The following LYRM4 variants were observed in gnomAD, a reference collection of about 807,000 sequenced individuals.
LYRM4 encodes the protein LYR motif-containing protein 4.
A neutral mutation model predicts 11.7 loss-of-function variants in LYRM4; 9 were observed. The ratio of observed to expected loss-of-function variants is 0.77; its 90% CI spans 0.46 to 1.34. The LOEUF (loss-of-function observed/expected upper bound fraction) is 1.34, where lower values mean the gene tolerates loss of function less well. LYRM4 is among the 40% of genes most tolerant of loss of function. LYRM4 has a pLI of 0.00. For missense variants in LYRM4, 133 were observed against 112.5 expected (o/e 1.18, Z -0.82); for synonymous variants, 42 against 40.4 (o/e 1.04, Z -0.15).
intron 2 of LYRM4, among the ~76,000 whole-genome samples, chr6:5,118,095 T>TTTTTG (rs1554126848): frequency 0.016 from 1,597 of 96,896 alleles, 53 homozygotes; most frequent in South Asian, 0.13. Flanking sequence ...TATATATATA[T>TTTTTG]TTTTGTTTTG....
chr6:5,245,102 AAAAAAAAAAAAATATATATATATATAT>A lies in LYRM4; in HGVS notation c.86+15519_86+15545del, dbSNP rs1185065839. Among the ~76,000 whole-genome samples the A allele has an allele frequency of 3.2e-3, 179 of 56,516 alleles. 4 individuals are homozygous for A. The highest frequency in any genetic ancestry group is 5.0e-3 in the Non-Finnish European group (142 of 28,520). 37.1% of individuals were successfully genotyped at this position (56,516 alleles called of 152,430 possible). On this transcript the variant is annotated intron_variant, in intron 1 of 2. Coordinates refer to ENST00000330636, the MANE Select transcript of LYRM4 (RefSeq NM_020408.6). ...GCAGGAAGACCTTAAAAAAAAAAAA[AAAAAAAAAAAAATATATATATATATAT>A]ATATATATATATATATATATATATA...
intron 2 of LYRM4, among the ~76,000 whole-genome samples, chr6:5,185,936 G>A (rs1262408075): frequency 1.3e-5 from 2 of 152,158 alleles, no homozygotes; most frequent in African/African-American, 4.8e-5. Flanking sequence ...GGAGGCAGGA[G>A]TGAGGAGGGC....
At chr6:5,251,932 T>C (rs1361384270) in intron 1 of LYRM4, among the ~76,000 whole-genome samples, 1 of 152,208 alleles carries the variant, frequency 6.6e-6, no homozygotes, top group Admixed American at 6.5e-5. Context: ...CGACTGGTAA[T>C]ATATTAAAGA....
chr6:5,062,726 C>T, the LYRM4 span, among the ~76,000 whole-genome samples: 4 of 152,262 alleles, frequency 2.6e-5, no homozygotes, highest in South Asian at 2.1e-4. Flanking sequence ...AGGATCCAGG[C>T]GACTCTCAGG....
intron 2 of LYRM4, chr6:5,113,287 T>C: frequency 2.2e-6 from 1 of 447,354 alleles, no homozygotes; most frequent in South Asian, 1.6e-5. Flanking sequence ...ATATAGGCCA[T>C]GGTGGCACGC....
At chr6:5,240,010 C>T (rs375549232) in intron 1 of LYRM4, among the ~76,000 whole-genome samples, 52 of 152,330 alleles carry the variant, frequency 3.4e-4, no homozygotes, top group Middle Eastern at 3.4e-3. Flanking sequence ...AGGTGGAACC[C>T]AGGGCCTGTG....
chr6:5,032,182 T>G, the LYRM4 span: 2 of 152,234 alleles, frequency 1.3e-5, no homozygotes, highest in Non-Finnish European at 2.9e-5. Context: ...TAATTAACTA[T>G]GAGCGTCTTG....
chr6:5,082,688 G>A, the LYRM4 span, among the ~76,000 whole-genome samples: 1 of 152,198 alleles, frequency 6.6e-6, no homozygotes, highest in East Asian at 1.9e-4. Flanking sequence ...CCTGTATCCA[G>A]AATGATCTTT....
chr6:5,195,155 CAG>C (rs1760977722), intron 2 of LYRM4, among the ~76,000 whole-genome samples: 2 of 152,318 alleles, frequency 1.3e-5, no homozygotes, highest in Admixed American at 1.3e-4. Flanking sequence ...TTGCAGCTCA[CAG>C]GACGGCCCTG....
the LYRM4 span, chr6:5,086,535 CTACGCGCGCCCTGCGGACGCGCTCTGA>C: frequency 6.5e-7 from 1 of 1,530,214 alleles, no homozygotes; most frequent in Non-Finnish European, 8.8e-7. Context: ...ACACGCTGCG[CTACGCGCGCCCTGCGGACGCGCTCTGA>C]GCCTGGAGAG....
At chr6:5,066,354 C>A in the LYRM4 span, 1 of 725,368 alleles carries the variant, frequency 1.4e-6, no homozygotes, top group South Asian at 1.4e-5. Flanking sequence ...AGGAATACGT[C>A]ATATGCAGGT....
the LYRM4 span, among the ~76,000 whole-genome samples, chr6:5,037,859 GA>G: frequency 1.8e-5 from 1 of 54,986 alleles, no homozygotes; most frequent in African/African-American, 4.8e-5. Flanking sequence ...TGGCCGGGCA[GA>G]GGGGCTCCTC....
At chr6:5,146,796 C>T (rs1757753735) in intron 2 of LYRM4, among the ~76,000 whole-genome samples, 1 of 152,214 alleles carries the variant, frequency 6.6e-6, no homozygotes, top group Non-Finnish European at 1.5e-5. Flanking sequence ...AGGGGCTTTT[C>T]TATTTTTACT....
chr6:5,051,554 A>C, the LYRM4 span, among the ~76,000 whole-genome samples: 1 of 152,186 alleles, frequency 6.6e-6, no homozygotes, highest in Non-Finnish European at 1.5e-5. Context: ...AAACAAAACA[A>C]AACAAAAGTG....
the LYRM4 span, among the ~76,000 whole-genome samples, chr6:5,082,900 T>G: frequency 7.5e-6 from 1 of 132,524 alleles, no homozygotes; most frequent in Non-Finnish European, 1.7e-5. Flanking sequence ...CCCAGCACGT[T>G]CTTCCTTGCA....
chr6:5,100,310 C>T (rs533660928), downstream of LYRM4, among the ~76,000 whole-genome samples: 438 of 152,242 alleles, frequency 2.9e-3, 3 homozygotes, highest in Non-Finnish European at 5.6e-3. Context: ...GAAGCCAGGA[C>T]GTATGGAGCC....
At chr6:5,115,810 T>C (rs1050727158) in intron 2 of LYRM4, among the ~76,000 whole-genome samples, 1 of 152,134 alleles carries the variant, frequency 6.6e-6, no homozygotes, top group Non-Finnish European at 1.5e-5. Flanking sequence ...AAAGAACTAA[T>C]GACATCAGGT....
chr6:5,192,440 C>T (rs189003305), intron 2 of LYRM4, among the ~76,000 whole-genome samples: 8 of 152,164 alleles, frequency 5.3e-5, no homozygotes, highest in African/African-American at 1.9e-4. Flanking sequence ...CTCAGTCCCC[C>T]CAAAGAGACA....
chr6:5,071,211 G>A, the LYRM4 span, among the ~76,000 whole-genome samples: 12 of 151,440 alleles, frequency 7.9e-5, no homozygotes, highest in East Asian at 1.7e-3. Flanking sequence ...AATTTATAAT[G>A]TAAGTATAAG....
Sources: allele counts gnomAD v4.1 joint callset (sites outside exome capture counted in the v4.1 genomes callset), GRCh38; gene constraint gnomAD v4.1.1; transcripts MANE v1.5; gene names NCBI Gene and HGNC (gene_info 2026-07-23, HGNC 2026-07-21).